The following ADGRV1 variants were observed in gnomAD, a reference collection of about 807,000 sequenced individuals.
ADGRV1 encodes the protein adhesion G protein-coupled receptor V1.
In ADGRV1, 359 loss-of-function variants were observed where a neutral mutation model predicts 596.2. The ratio of observed to expected loss-of-function variants is 0.60; its 90% CI spans 0.55 to 0.66. The LOEUF is 0.66. ADGRV1 is among the 30% of genes least tolerant of loss of function. The pLI is 0.00. For synonymous variants in ADGRV1, 2,681 were observed against 2,679.2 expected (o/e 1.00, Z -0.02); for missense variants, 7,274 against 7,575.6 (o/e 0.96, Z 1.48).
At chr5:90,717,848 A>G (rs1750354501) in intron 43 of ADGRV1, 1 of 151,954 alleles carries the variant, frequency 6.6e-6, no homozygotes, top group South Asian at 2.1e-4. Context: ...ATGGGGTTTC[A>G]CCATATTGGC....
chr5:90,782,994 TA>T, intron 65 of ADGRV1, 129 bp from the exon 66 acceptor site: 1 of 713,846 alleles, frequency 1.4e-6, no homozygotes, highest in Non-Finnish European at 2.4e-6. Context: ...TTTAAAATGA[TA>T]AAAGAACTAT....
intron 86 of ADGRV1, among the ~76,000 whole-genome samples, chr5:91,094,018 A>G (rs755831012): frequency 6.6e-6 from 1 of 151,630 alleles, no homozygotes; most frequent in African/African-American, 2.4e-5. Context: ...CACCCAGCTA[A>G]TTTTTGTATT....
intron 83 of ADGRV1, among the ~76,000 whole-genome samples, chr5:90,957,152 G>A (rs1581626372): frequency 6.6e-6 from 1 of 152,202 alleles, no homozygotes; most frequent in East Asian, 1.9e-4. Flanking sequence ...CAGGAAAAAA[G>A]TCTTTCCTTA....
At chr5:91,139,368 C>T (rs904841002) in intron 87 of ADGRV1, among the ~76,000 whole-genome samples, 1 of 152,278 alleles carries the variant, frequency 6.6e-6, no homozygotes, top group South Asian at 2.1e-4. Flanking sequence ...AACTGACTCC[C>T]TTCAGCCACT....
At chr5:90,784,174 T>C in intron 67 of ADGRV1, 117 bp downstream of exon 67, 1 of 693,898 alleles carries the variant, frequency 1.4e-6, no homozygotes, top group Non-Finnish European at 2.4e-6. Flanking sequence ...ATTTATTAAT[T>C]ATCTTGTATG....
At chr5:90,614,680 CA>C in intron 1 of ADGRV1, 154 bp from the exon 2 acceptor site, 1 of 696,906 alleles carries the variant, frequency 1.4e-6, no homozygotes. Context: ...TCTGTCGTCA[CA>C]TATTTGAGTT....
chr5:91,047,501 C>A (rs962125071), intron 85 of ADGRV1, among the ~76,000 whole-genome samples: 1 of 152,088 alleles, frequency 6.6e-6, no homozygotes, highest in Non-Finnish European at 1.5e-5. Context: ...GATGTAGGCT[C>A]GGAGGCTAAG....
At chr5:90,757,291 C>A in intron 57 of ADGRV1, 130 bp downstream of exon 57, 1 of 650,200 alleles carries the variant, frequency 1.5e-6, no homozygotes, top group Non-Finnish European at 2.6e-6. Flanking sequence ...TTAAGTCAAA[C>A]AAATATTATT....
At chr5:90,599,791 G>C (rs1232554523) in intron 1 of ADGRV1, among the ~76,000 whole-genome samples, 1 of 152,094 alleles carries the variant, frequency 6.6e-6, no homozygotes, top group Non-Finnish European at 1.5e-5. Context: ...TAAAGTCATT[G>C]GCTTCAAACT....
At chr5:91,022,114 T>C (rs1168056961) in intron 85 of ADGRV1, among the ~76,000 whole-genome samples, 1 of 152,102 alleles carries the variant, frequency 6.6e-6, no homozygotes, top group Non-Finnish European at 1.5e-5. Flanking sequence ...GAATACCTGA[T>C]ATAGTTACTA....
chr5:90,644,438 T>C (rs909730598), intron 14 of ADGRV1, among the ~76,000 whole-genome samples: 1 of 152,212 alleles, frequency 6.6e-6, no homozygotes, highest in Admixed American at 6.5e-5. Flanking sequence ...GCCTAATTCG[T>C]CATCATTCTG....
rs1465643954 is a variant in ADGRV1, at chr5:90,755,096, A to G, written c.11491A>G (p.Thr3831Ala). Residue 3831 changes from threonine to alanine, a missense_variant, in exon 55 of 90, where the codon ACT becomes GCT. Thr to Ala is a moderately conservative substitution (Grantham distance 58). Transcript: ENST00000405460. Reference sequence around the variant, plus strand: ...CTTACTGCATGTCGATAATCAAGCTACTGAGAATGAAGATTATGTATTGCA... The same window carrying G: ...CTTACTGCATGTCGATAATCAAGCTGCTGAGAATGAAGATTATGTATTGCA... ...NFLLHVDNQA[T>A]ENEDYVLQET... 1 of 1,609,254 alleles carries G rather than the reference A, an allele frequency of 6.2e-7. No individual in the cohort carries two copies. The highest frequency in any genetic ancestry group is 1.7e-5 in the Admixed American group (1 of 60,002).
intron 84 of ADGRV1, among the ~76,000 whole-genome samples, chr5:90,969,677 C>T (rs1340283148): frequency 2.0e-5 from 3 of 152,216 alleles, no homozygotes; most frequent in Non-Finnish European, 2.9e-5. Flanking sequence ...CATCTGTTTG[C>T]TCTTCATGTA....
At chr5:90,716,925 T>A in intron 43 of ADGRV1, 196 bp downstream of exon 43, 1 of 428,474 alleles carries the variant, frequency 2.3e-6, no homozygotes, top group Non-Finnish European at 4.1e-6. Flanking sequence ...ACTGGAAAAA[T>A]TTACTATTAA....
intron 62 of ADGRV1, 139 bp downstream of exon 62, chr5:90,778,182 A>G: frequency 9.7e-7 from 1 of 1,028,520 alleles, no homozygotes; most frequent in South Asian, 1.6e-5. Context: ...TAAATATTAC[A>G]GCATTTGTGG....
intron 71 of ADGRV1, among the ~76,000 whole-genome samples, chr5:90,804,660 T>G (rs1377510588): frequency 2.6e-5 from 4 of 152,166 alleles, no homozygotes; most frequent in Non-Finnish European, 5.9e-5. Context: ...CAAATCAAAA[T>G]GTGAAGCCAG....
intron 83 of ADGRV1, among the ~76,000 whole-genome samples, chr5:90,936,285 T>C (rs1775678559): frequency 6.6e-6 from 1 of 151,634 alleles, no homozygotes; most frequent in Non-Finnish European, 1.5e-5. Context: ...TATGGTGTTC[T>C]CCTCTCTCAC....
chr5:90,716,931 A>G, intron 43 of ADGRV1: 2 of 420,190 alleles, frequency 4.8e-6, no homozygotes, highest in Non-Finnish European at 8.5e-6. Flanking sequence ...AAAATTTACT[A>G]TTAATAGGGT....
intron 50 of ADGRV1, 67 bp downstream of exon 50, chr5:90,729,831 A>G (rs1386499483): frequency 2.0e-6 from 3 of 1,469,762 alleles, no homozygotes; most frequent in Non-Finnish European, 2.8e-6. Flanking sequence ...TTTTAATCTC[A>G]TTGATTTAGA....
Sources: allele counts gnomAD v4.1 joint callset (sites outside exome capture counted in the v4.1 genomes callset), GRCh38; gene constraint gnomAD v4.1.1; transcripts MANE v1.5; gene names NCBI Gene and HGNC (gene_info 2026-07-23, HGNC 2026-07-21).